Variants in FOCAD observed in about 807,000 individuals in gnomAD.
The protein encoded by FOCAD is focadhesin.
FOCAD carries 198 observed loss-of-function variants against 225.6 expected under a neutral mutation model. That is an observed-to-expected ratio of 0.88 (90% confidence interval 0.78 to 0.99). FOCAD has a LOEUF of 0.99. Ranked by LOEUF, FOCAD falls within the 50% of genes least tolerant of loss-of-function variation. FOCAD has a pLI of 0.00. For synonymous variants in FOCAD, 897 were observed against 755.0 expected (o/e 1.19, Z -3.08); for missense variants, 2,713 against 2,123.6 (o/e 1.28, Z -5.46).
intron 28 of FOCAD, among the ~76,000 whole-genome samples, chr9:20,942,525 C>T (rs931348979): frequency 1.3e-5 from 2 of 152,140 alleles, no homozygotes; most frequent in Admixed American, 6.5e-5. Context: ...TTGCATGATA[C>T]GTTCAGTGAA....
rs1004762814 is a variant in FOCAD at position 20,978,580 on chromosome 9, G to T, written c.4377+126G>T. Reference sequence around the variant, plus strand: ...GATGAGATCTTCACAAAAATCGAGGGTTTGATAGTAGCTGGCCTGCATATT... The same window carrying T: ...GATGAGATCTTCACAAAAATCGAGGTTTTGATAGTAGCTGGCCTGCATATT... On this transcript the variant is annotated intron_variant, in intron 37 of 43. Transcript: ENST00000338382. 2.7e-4 allele frequency: 151 copies of T among 567,102 alleles called. 1 individual carries two copies. The highest frequency in any genetic ancestry group is 3.2e-4 in the Non-Finnish European group (109 of 341,658). 35.1% of individuals were successfully genotyped at this position (567,102 alleles called of 1,614,324 possible).
chr9:20,820,979 G>T lies in FOCAD; in HGVS notation c.1701G>T (p.Val567=), dbSNP rs948860009. 3 of 1,612,776 alleles carry T rather than the reference G, an allele frequency of 1.9e-6. No individual in the cohort carries two copies. Among genetic ancestry groups the T allele is most frequent in the South Asian group, 1.1e-5 (1 of 91,034 alleles). Residue 567 remains valine (V), a synonymous_variant, in exon 14 of 44, where the codon GTG becomes GTT. Coordinates refer to ENST00000338382, the MANE Select transcript of FOCAD (RefSeq NM_001375567.1). ...VYPELQRFMA[V]SDVPSLSVGK... ...CTGAACTGCAGCGTTTCATGGCTGT[G>T]TCTGATGTACCTTCTCTTTCGGTGG...
At chr9:20,952,917 A>G in intron 34 of FOCAD, 68 bp from the exon 35 acceptor site, 1 of 1,202,666 alleles carries the variant, frequency 8.3e-7, no homozygotes, top group Non-Finnish European at 1.2e-6. Context: ...GCAGCATGAG[A>G]TCATTATCTT....
At chr9:20,768,674 C>A (rs1563966577) in intron 7 of FOCAD, among the ~76,000 whole-genome samples, 2 of 152,120 alleles carry the variant, frequency 1.3e-5, no homozygotes, top group Non-Finnish European at 2.9e-5. Context: ...TTTTAAAATA[C>A]AAGCTTTAGA....
At chr9:20,800,921 G>A (rs1021290288) in intron 11 of FOCAD, among the ~76,000 whole-genome samples, 6 of 152,106 alleles carry the variant, frequency 3.9e-5, no homozygotes, top group Non-Finnish European at 7.3e-5. Flanking sequence ...GAGGAGAGGC[G>A]CTCTGATTTT....
At chr9:20,816,975 C>T (rs946648573) in intron 11 of FOCAD, among the ~76,000 whole-genome samples, 1 of 152,044 alleles carries the variant, frequency 6.6e-6, no homozygotes, top group African/African-American at 2.4e-5. Flanking sequence ...GATGCTTGAG[C>T]ATTTCTGGAT....
intron 35 of FOCAD, among the ~76,000 whole-genome samples, chr9:20,961,562 C>T (rs1425020284): frequency 6.6e-6 from 1 of 152,266 alleles, no homozygotes; most frequent in Middle Eastern, 3.4e-3. Flanking sequence ...TTTCAGTGGA[C>T]AGAGCTGGGA....
intron 10 of FOCAD, among the ~76,000 whole-genome samples, chr9:20,788,134 A>G (rs1339930513): frequency 3.9e-5 from 6 of 152,236 alleles, no homozygotes; most frequent in Non-Finnish European, 7.3e-5. Flanking sequence ...TTATTTGGCA[A>G]TAAAAAGAAA....
At chr9:20,893,104 C>T (rs1352430889) in intron 21 of FOCAD, among the ~76,000 whole-genome samples, 2 of 152,100 alleles carry the variant, frequency 1.3e-5, no homozygotes, top group East Asian at 3.9e-4. Context: ...CAGAACACTA[C>T]AGCCTCCAAC....
intron 8 of FOCAD, among the ~76,000 whole-genome samples, chr9:20,773,564 T>C (rs532223191): frequency 6.6e-6 from 1 of 152,290 alleles, no homozygotes; most frequent in East Asian, 1.9e-4. Context: ...ACAGAAGTTC[T>C]CCACAAGCCC....
chr9:20,919,584 A>G (rs34740907), intron 24 of FOCAD, among the ~76,000 whole-genome samples: 24,599 of 152,200 alleles, frequency 0.16, 2,056 homozygotes, highest in East Asian at 0.21. Flanking sequence ...ACAGTAACCA[A>G]AACAGCATGG....
chr9:20,900,080 A>G (rs796401178), intron 21 of FOCAD, among the ~76,000 whole-genome samples: 10 of 152,058 alleles, frequency 6.6e-5, no homozygotes, highest in African/African-American at 2.4e-4. Context: ...CTCCTGTTGC[A>G]GAGGAAGCTG....
intron 26 of FOCAD, among the ~76,000 whole-genome samples, chr9:20,928,102 C>A (rs985800185): frequency 6.6e-6 from 1 of 152,082 alleles, no homozygotes; most frequent in Admixed American, 6.6e-5. Context: ...TTATGGAGGT[C>A]TTTGCAATAA....
chr9:20,759,404 G>A (rs900114583), intron 6 of FOCAD, among the ~76,000 whole-genome samples: 36 of 152,086 alleles, frequency 2.4e-4, no homozygotes, highest in African/African-American at 4.3e-4. Flanking sequence ...CAGAAATAAC[G>A]CCGCATATCT....
At chr9:20,826,982 T>C (rs1824961268) in intron 15 of FOCAD, among the ~76,000 whole-genome samples, 1 of 152,172 alleles carries the variant, frequency 6.6e-6, no homozygotes, top group South Asian at 2.1e-4. Context: ...CTTCTTTCTG[T>C]CTTAATACAG....
chr9:20,804,447 G>A (rs7858506), intron 11 of FOCAD, among the ~76,000 whole-genome samples: 130,929 of 151,908 alleles, frequency 0.86, 56,506 homozygotes, highest in Admixed American at 0.91. Flanking sequence ...AAATTGCTGA[G>A]GAAAGTCCTG....
intron 19 of FOCAD, among the ~76,000 whole-genome samples, chr9:20,879,423 A>T (rs1253565129): frequency 6.6e-6 from 1 of 152,180 alleles, no homozygotes; most frequent in Non-Finnish European, 1.5e-5. Context: ...ATTTGGGATT[A>T]TGGTGTGTGG....
intron 1 of FOCAD, among the ~76,000 whole-genome samples, chr9:20,685,545 T>C (rs1822612895): frequency 6.6e-6 from 1 of 152,248 alleles, no homozygotes; most frequent in Admixed American, 6.5e-5. Context: ...TAGAAAGCAC[T>C]GTGACTCATC....
At chr9:20,774,119 A>G (rs1818515667) in intron 8 of FOCAD, among the ~76,000 whole-genome samples, 2 of 152,162 alleles carry the variant, frequency 1.3e-5, no homozygotes, top group Admixed American at 1.3e-4. Context: ...CTGAGGTGGT[A>G]CAGTTTCATC....
Sources: gnomAD v4.1 joint callset for allele counts (sites outside exome capture counted in the v4.1 genomes callset) on GRCh38, gnomAD v4.1.1 for gene constraint, MANE v1.5 for transcripts, NCBI Gene and HGNC (gene_info 2026-07-23, HGNC 2026-07-21) for gene names.